Variants in EPB41L4A observed in about 807,000 individuals in gnomAD.
The protein encoded by EPB41L4A is erythrocyte membrane protein band 4.1 like 4A.
A neutral mutation model predicts 108.6 loss-of-function variants in EPB41L4A; 100 were observed. The observed-to-expected ratio is 0.92, with a 90% confidence interval of 0.78 to 1.09. EPB41L4A has a LOEUF of 1.09. Among genes scored for constraint, EPB41L4A ranks in the 50% least tolerant of loss-of-function variants. The pLI, the probability that EPB41L4A is intolerant of heterozygous loss-of-function variation, is 0.00. For missense variants in EPB41L4A, 1,030 were observed against 842.7 expected (o/e 1.22, Z -2.75); for synonymous variants, 319 against 289.0 (o/e 1.10, Z -1.05).
intron 12 of EPB41L4A, among the ~76,000 whole-genome samples, chr5:112,229,069 G>C (rs146245199): frequency 1.2e-3 from 180 of 152,306 alleles, no homozygotes; most frequent in African/African-American, 4.1e-3. Context: ...CATCTAGTTT[G>C]ATTGAATTAC....
At chr5:112,234,870 C>T (rs879144223) in intron 11 of EPB41L4A, 115 bp from the exon 12 acceptor site, 1 of 1,155,428 alleles carries the variant, frequency 8.7e-7, no homozygotes, top group South Asian at 1.9e-5. Context: ...ACACAGACTC[C>T]CTGGTTTTTA....
intron 1 of EPB41L4A, among the ~76,000 whole-genome samples, chr5:112,330,643 A>G (rs1185630167): frequency 6.6e-6 from 1 of 152,094 alleles, no homozygotes; most frequent in East Asian, 1.9e-4. Context: ...AAACATGGTA[A>G]GCAGAAGACG....
exon 14 of EPB41L4A, chr5:112,142,600 T>A (rs1580310701): frequency 1.3e-5 from 2 of 152,208 alleles, no homozygotes; most frequent in South Asian, 4.1e-4. Flanking sequence ...AGAACAGATT[T>A]ATTTTAGAAA....
intron 6 of EPB41L4A, 50 bp from the exon 7 acceptor site, chr5:112,262,631 C>A (rs990381973): frequency 4.0e-5 from 57 of 1,430,446 alleles, no homozygotes; most frequent in Non-Finnish European, 5.4e-5. Context: ...AGCTACTGCA[C>A]TTACAGGGAT....
chr5:112,179,149 C>T (rs1168806042), intron 18 of EPB41L4A, among the ~76,000 whole-genome samples: 2 of 152,014 alleles, frequency 1.3e-5, no homozygotes, highest in East Asian at 3.9e-4. Flanking sequence ...TCAAAACTTA[C>T]ACATAAGTAT....
At chr5:112,232,786 A>G (rs1024065921) in intron 12 of EPB41L4A, among the ~76,000 whole-genome samples, 1 of 152,184 alleles carries the variant, frequency 6.6e-6, no homozygotes, top group East Asian at 1.9e-4. Context: ...ACACCTCTGA[A>G]TAACTGCTAG....
chr5:112,380,810 C>T (rs1580794384), intron 1 of EPB41L4A, among the ~76,000 whole-genome samples: 1 of 151,772 alleles, frequency 6.6e-6, no homozygotes, highest in South Asian at 2.1e-4. Context: ...CACACACACA[C>T]ACACACACAC....
At chr5:112,160,174 T>G (rs979818604), downstream of EPB41L4A, among the ~76,000 whole-genome samples, 2 of 152,180 alleles carry the variant, frequency 1.3e-5, no homozygotes, top group African/African-American at 4.8e-5. Flanking sequence ...CCTGCCAAAG[T>G]GCTGGGATTA....
rs1748400065 is a variant in EPB41L4A, at chr5:112,225,721, A to T, written c.1087+8913T>A. Among the ~76,000 whole-genome samples, 4 of 152,214 alleles carry T rather than the reference A, an allele frequency of 2.6e-5. No individual in the cohort carries two copies. In the South Asian group the frequency reaches 8.3e-4, roughly 32 times the overall value. The stretch of plus-strand genomic sequence containing the variant: ...TGTATATAATGGTAACACATTAAAT[A>T]CTACCGGGCCCCTCTGCTTCTCTGC... On this transcript the variant is annotated intron_variant, in intron 12 of 22. Coordinates refer to ENST00000261486, the MANE Select transcript of EPB41L4A (RefSeq NM_022140.5).
downstream of EPB41L4A, chr5:112,162,484 C>T (rs780836725): frequency 1.3e-5 from 2 of 152,174 alleles, no homozygotes; most frequent in African/African-American, 4.8e-5. Context: ...ACTCAAAAAT[C>T]GTGGCTAGAA....
intron 12 of EPB41L4A, among the ~76,000 whole-genome samples, chr5:112,227,264 C>A (rs538154185): frequency 6.6e-6 from 1 of 152,148 alleles, no homozygotes; most frequent in Admixed American, 6.5e-5. Flanking sequence ...TTACCCCTCA[C>A]TCTCAAAAGC....
chr5:112,373,025 C>T (rs1310561843), intron 1 of EPB41L4A, among the ~76,000 whole-genome samples: 1 of 152,212 alleles, frequency 6.6e-6, no homozygotes, highest in African/African-American at 2.4e-5. Context: ...CGCTATTTAG[C>T]AACCAGGAAT....
At chr5:112,265,409 T>C (rs1474805075) in intron 5 of EPB41L4A, among the ~76,000 whole-genome samples, 1 of 152,080 alleles carries the variant, frequency 6.6e-6, no homozygotes, top group Non-Finnish European at 1.5e-5. Context: ...ACAGTGCATG[T>C]GATTCAATAC....
chr5:112,355,467 C>T (rs1229419931), intron 1 of EPB41L4A, among the ~76,000 whole-genome samples: 1 of 152,192 alleles, frequency 6.6e-6, no homozygotes, highest in Non-Finnish European at 1.5e-5. Context: ...TGAGGTTTCA[C>T]AGGCTTCTGG....
chr5:112,309,575 C>T (rs555717693), intron 1 of EPB41L4A, among the ~76,000 whole-genome samples: 9 of 152,252 alleles, frequency 5.9e-5, no homozygotes, highest in African/African-American at 1.9e-4. Flanking sequence ...TCTATTTAGG[C>T]TTTGTGGCAA....
intron 17 of EPB41L4A, among the ~76,000 whole-genome samples, chr5:112,193,045 C>G (rs1232555049): frequency 6.6e-6 from 1 of 152,198 alleles, no homozygotes; most frequent in Non-Finnish European, 1.5e-5. Flanking sequence ...AAACTGAAAT[C>G]ATTTCTTTGA....
chr5:112,173,394 AATAC>A (rs1760694067), intron 18 of EPB41L4A, among the ~76,000 whole-genome samples: 1 of 152,070 alleles, frequency 6.6e-6, no homozygotes, highest in African/African-American at 2.4e-5. Context: ...GACTATGAAC[AATAC>A]ATTAAAAAAA....
intron 2 of EPB41L4A, among the ~76,000 whole-genome samples, chr5:112,289,787 T>C (rs945135934): frequency 2.0e-4 from 31 of 152,210 alleles, no homozygotes; most frequent in Admixed American, 1.7e-3. Flanking sequence ...AGAACAGACA[T>C]GAGCGGGCCC....
rs62372420 is a variant in EPB41L4A at position 112,163,773 on chromosome 5, G to A, written c.*1217C>T. The A allele has an allele frequency of 6.6e-6, 1 of 152,198 alleles. No individual in the cohort carries two copies. Among genetic ancestry groups the A allele is most frequent in the Non-Finnish European group, 1.5e-5 (1 of 68,048 alleles). 9.4% of individuals were successfully genotyped at this position (152,198 alleles called of 1,614,324 possible). On this transcript the variant is annotated 3_prime_UTR_variant, in exon 23 of 23. Transcript: ENST00000261486. ...AGGGGGTTTGTGGTTGTGAAAGATA[G>A]TTTTGTTTAATCTTAGTCTTAAATT... is the stretch of plus-strand genomic sequence containing the variant.
Sources: allele counts gnomAD v4.1 joint callset (sites outside exome capture counted in the v4.1 genomes callset), GRCh38; gene constraint gnomAD v4.1.1; transcripts MANE v1.5; gene names NCBI Gene and HGNC (gene_info 2026-07-23, HGNC 2026-07-21).